Variants in FTO observed in about 807,000 individuals in gnomAD.
FTO encodes the protein FTO alpha-ketoglutarate dependent dioxygenase.
Under a neutral mutation model 63.9 loss-of-function variants are expected in FTO, and 47 were observed. The observed-to-expected ratio is 0.74, with a 90% CI of 0.58 to 0.94. The LOEUF (loss-of-function observed/expected upper bound fraction) is 0.94. Among genes scored for constraint, FTO ranks in the 40% least tolerant of loss-of-function variants. The pLI is 0.00. For synonymous variants in FTO, 207 were observed against 224.4 expected (o/e 0.92, Z 0.69); for missense variants, 562 against 618.1 (o/e 0.91, Z 0.96).
chr16:53,896,392 C>T (rs2081280267), intron 7 of FTO, among the ~76,000 whole-genome samples: 1 of 150,870 alleles, frequency 6.6e-6, no homozygotes, highest in Non-Finnish European at 1.5e-5. Context: ...ATTATAATTA[C>T]CTCTGAAATA....
chr16:54,071,640 G>T (rs1306163119), intron 8 of FTO: 1 of 152,106 alleles, frequency 6.6e-6, no homozygotes, highest in Non-Finnish European at 1.5e-5. Context: ...AAGGCTAAAA[G>T]AGTGGACAAA....
At chr16:54,074,546 A>G (rs2085941070) in intron 8 of FTO, among the ~76,000 whole-genome samples, 1 of 152,178 alleles carries the variant, frequency 6.6e-6, no homozygotes, top group Admixed American at 6.5e-5. Flanking sequence ...ATCTTTAAAT[A>G]TTCCTTGGGA....
At chr16:54,073,930 A>C (rs2085927969) in intron 8 of FTO, among the ~76,000 whole-genome samples, 1 of 152,146 alleles carries the variant, frequency 6.6e-6, no homozygotes, top group African/African-American at 2.4e-5. Context: ...GCAGTTGTTA[A>C]CAACCAATTG....
intron 8 of FTO, among the ~76,000 whole-genome samples, chr16:54,038,738 TG>T (rs2085003168): frequency 6.6e-6 from 1 of 152,198 alleles, no homozygotes; most frequent in Non-Finnish European, 1.5e-5. Flanking sequence ...TCTTTCGCCA[TG>T]GGACATGCCT....
chr16:53,854,563 A>G (rs898211598), intron 4 of FTO, among the ~76,000 whole-genome samples: 2 of 151,618 alleles, frequency 1.3e-5, no homozygotes, highest in African/African-American at 2.4e-5. Flanking sequence ...CTTTTCCAGT[A>G]TATCCTTTGT....
At chr16:54,021,302 G>A (rs560764483) in intron 8 of FTO, among the ~76,000 whole-genome samples, 2 of 152,142 alleles carry the variant, frequency 1.3e-5, no homozygotes, top group African/African-American at 2.4e-5. Flanking sequence ...TCCCCCTGCA[G>A]TAATCCATGG....
At chr16:53,940,113 A>G (rs969997602) in intron 8 of FTO, among the ~76,000 whole-genome samples, 10 of 152,068 alleles carry the variant, frequency 6.6e-5, no homozygotes, top group Non-Finnish European at 8.8e-5. Context: ...TCCCACCAAG[A>G]ACGCACAAAG....
rs186875124 is a variant in FTO, at chr16:54,005,524, T to C, written c.1364+71415T>C. Among the ~76,000 whole-genome samples, 369 of 152,096 alleles carry C rather than the reference T, an allele frequency of 2.4e-3. 3 individuals are homozygous for C. The highest frequency in any genetic ancestry group is 8.2e-3 in the African/African-American group (342 of 41,528). ...CCAAATACATGTAATACATATTACT[T>C]TTCATCTCATTTAAACCTCACGAGA... On this transcript the variant is annotated intron_variant, in intron 8 of 8. Transcript: ENST00000471389.
In FTO at chr16:54,111,951, A is replaced by G; in HGVS notation, c.*36A>G. ...AGTCTCAGGCGGAGGAGAAAAAGAG[A>G]TCGGCTTTTCTCCTCCAACGTTGTC... On this transcript the variant is annotated 3_prime_UTR_variant, in exon 9 of 9. Transcript: ENST00000471389. 1 of 1,613,150 alleles carries G rather than the reference A, an allele frequency of 6.2e-7. No homozygotes were observed. Among genetic ancestry groups the G allele is most frequent in the Non-Finnish European group, 8.5e-7 (1 of 1,179,518 alleles).
At position 54,115,058 on chromosome 16, in the gene FTO, G is replaced by C. The variant is rs1311445294; in HGVS notation, c.*3143G>C. The C allele has an allele frequency of 6.6e-6, 1 of 152,250 alleles. No individual in the cohort carries two copies. Among genetic ancestry groups the C allele is most frequent in the African/African-American group, 2.4e-5 (1 of 41,458 alleles). The allele number at this position is 152,250 out of a possible 1,614,324, so 9.4% of individuals were successfully genotyped here. A position where few individuals can be genotyped will look rare whatever the true frequency, so the allele number is the denominator to read the frequency against. ...ATCCTGCAGGGTCAAAGGAAGGCTT[G>C]CTTCTGCTGTGAATTGGAGAAGGAC... On this transcript the variant is annotated 3_prime_UTR_variant, in exon 9 of 9. Transcript: ENST00000471389.
chr16:53,828,597 G>C (rs556480007), intron 3 of FTO, among the ~76,000 whole-genome samples: 1 of 152,126 alleles, frequency 6.6e-6, no homozygotes, highest in South Asian at 2.1e-4. Flanking sequence ...CACCTACTAC[G>C]TGCTACATGC....
At chr16:54,105,771 CTGTGTGTGTGTGTG>C (rs57782663) in intron 8 of FTO, among the ~76,000 whole-genome samples, 48 of 138,078 alleles carry the variant, frequency 3.5e-4, no homozygotes, top group Non-Finnish European at 5.2e-4. Flanking sequence ...AAGTTCTAGT[CTGTGTGTGTGTGTG>C]TGTGTGTGTG....
intron 8 of FTO, among the ~76,000 whole-genome samples, chr16:53,951,124 G>A (rs184296619): frequency 6.6e-6 from 1 of 152,272 alleles, no homozygotes; most frequent in East Asian, 1.9e-4. Flanking sequence ...ACATGAAAAT[G>A]GGTTAGCACA....
chr16:54,074,360 A>G (rs2085937043), intron 8 of FTO, among the ~76,000 whole-genome samples: 1 of 152,124 alleles, frequency 6.6e-6, no homozygotes. Context: ...CAGAAAGGAA[A>G]AGTCTCCTGT....
intron 8 of FTO, among the ~76,000 whole-genome samples, chr16:54,084,973 C>A (rs1377894280): frequency 6.6e-6 from 1 of 152,188 alleles, no homozygotes; most frequent in Non-Finnish European, 1.5e-5. Flanking sequence ...AAGTCATGTG[C>A]CTCTTGGGCC....
At chr16:53,869,188 G>GT (rs1213226699) in intron 4 of FTO, among the ~76,000 whole-genome samples, 3 of 150,356 alleles carry the variant, frequency 2.0e-5, no homozygotes, top group South Asian at 2.1e-4. Context: ...CTAGGTTGCT[G>GT]TTTTTTTTTC....
At chr16:54,008,579 C>G (rs2084263764) in intron 8 of FTO, 1 of 151,984 alleles carries the variant, frequency 6.6e-6, no homozygotes, top group Admixed American at 6.6e-5. Flanking sequence ...TACCTTCCCC[C>G]TGCATTCCCC....
chr16:54,090,286 G>GA (rs1290103365), intron 8 of FTO, among the ~76,000 whole-genome samples: 8 of 152,112 alleles, frequency 5.3e-5, no homozygotes, highest in African/African-American at 1.4e-4. Context: ...AAACACAAAG[G>GA]ACAAATATTG....
intron 8 of FTO, among the ~76,000 whole-genome samples, chr16:53,939,723 C>A (rs2082482123): frequency 6.6e-6 from 1 of 152,156 alleles, no homozygotes; most frequent in African/African-American, 2.4e-5. Context: ...AATACGTGAC[C>A]TTTTATGTCT....
Sources: allele counts gnomAD v4.1 joint callset (sites outside exome capture counted in the v4.1 genomes callset), GRCh38; gene constraint gnomAD v4.1.1; transcripts MANE v1.5; gene names NCBI Gene and HGNC (gene_info 2026-07-23, HGNC 2026-07-21).